EXOSC7: variants seen among roughly 807,000 people sequenced by gnomAD.
The protein encoded by EXOSC7 is exosome complex component RRP42.
EXOSC7 carries 25 observed loss-of-function variants against 34.3 expected under a neutral mutation model. That is an observed-to-expected ratio of 0.73 (90% CI 0.53 to 1.02). The LOEUF is 1.02. Ranked by LOEUF, EXOSC7 falls within the 50% of genes least tolerant of loss-of-function variation. EXOSC7 has a pLI of 0.00. For synonymous variants in EXOSC7, 130 were observed against 143.0 expected (o/e 0.91, Z 0.65); for missense variants, 370 against 368.5 (o/e 1.00, Z -0.03).
In EXOSC7 at chr3:44,983,848, A is replaced by G. The variant is rs116296816; in HGVS notation, c.58-5292A>G. Among the ~76,000 whole-genome samples, 672 of 141,582 alleles carry G rather than the reference A, an allele frequency of 4.7e-3. 3 individuals carry two copies. The highest frequency in any genetic ancestry group is 0.017 in the African/African-American group (645 of 38,232). The allele number at this position is 141,582 out of a possible 152,430, so 92.9% of individuals were successfully genotyped here. On this transcript the variant is annotated intron_variant, in intron 1 of 7. Transcript: ENST00000265564. ...GTTTGGACAATTTCCTAAGCCTTTT[A>G]TAAGGAAAACTGGGTTTAAAAAAAA...
At position 44,989,605 on chromosome 3, in the gene EXOSC7, A is replaced by G. The variant is rs1247639010; in HGVS notation, c.215A>G (p.Glu72Gly). The G allele has an allele frequency of 6.2e-7, 1 of 1,614,030 alleles. No individual in the cohort carries two copies. The highest frequency in any genetic ancestry group is 8.5e-7 in the Non-Finnish European group (1 of 1,179,984). The change falls in exon 3 of 8, where the codon GAG (glutamate) becomes GGG (glycine). Residue 72 changes from glutamate (E) to glycine (G), a missense_variant. Transcript: ENST00000265564. ...GCAGAAATGGGGACGCCGAAGCTGG[A>G]GAAACCAAATGAAGGCTACTTGGAG... ...VKAEMGTPKLEKPNEGYLEFF... is the reference protein window; with the variant it reads ...VKAEMGTPKLGKPNEGYLEFF...
intron 1 of EXOSC7, among the ~76,000 whole-genome samples, chr3:44,987,546 C>T (rs530279756): frequency 3.3e-5 from 5 of 152,078 alleles, no homozygotes; most frequent in South Asian, 2.1e-4. Context: ...CCAGCCTGGG[C>T]GACAGAGCCA....
At chr3:44,999,037 T>C (rs1706803269) in intron 4 of EXOSC7, among the ~76,000 whole-genome samples, 1 of 152,264 alleles carries the variant, frequency 6.6e-6, no homozygotes, top group Non-Finnish European at 1.5e-5. Flanking sequence ...TGTCCTTTTG[T>C]AATCCTTTGT....
chr3:44,980,482 C>A (rs150093480), intron 1 of EXOSC7, among the ~76,000 whole-genome samples: 1 of 150,890 alleles, frequency 6.6e-6, no homozygotes, highest in African/African-American at 2.4e-5. Flanking sequence ...CAGGTTGAGT[C>A]GCTTGTCAAG....
chr3:45,006,581 T>C (rs1707052110), intron 6 of EXOSC7, among the ~76,000 whole-genome samples: 1 of 148,892 alleles, frequency 6.7e-6, no homozygotes, highest in African/African-American at 2.5e-5. Flanking sequence ...CGCGCCTGGC[T>C]AATTTTTTGT....
chr3:45,000,095 T>G (rs1173588226), intron 4 of EXOSC7, among the ~76,000 whole-genome samples: 3 of 152,254 alleles, frequency 2.0e-5, no homozygotes, highest in African/African-American at 7.2e-5. Context: ...AGTGAAAATT[T>G]AACTTCATGG....
In EXOSC7 at chr3:44,989,530, C is replaced by T. The variant is rs1195156483; in HGVS notation, c.160-20C>T. On this transcript the variant is annotated intron_variant, in intron 2 of 7. Transcript: ENST00000265564. ...TGGCTGCATACTCTGAGTGAGGACT[C>T]TTCTTGCATGTGTCTGCAGGGTCAC... 1.3e-6 allele frequency: 2 copies of T among 1,598,176 alleles called. No homozygotes were observed. The highest frequency in any genetic ancestry group is 1.7e-6 in the Non-Finnish European group (2 of 1,165,746).
chr3:44,982,970 CCTT>C (rs1364259198), intron 1 of EXOSC7, among the ~76,000 whole-genome samples: 2 of 152,150 alleles, frequency 1.3e-5, no homozygotes, highest in Non-Finnish European at 2.9e-5. Context: ...GGGGCAGTCA[CCTT>C]CTAGTAGGGG....
intron 6 of EXOSC7, among the ~76,000 whole-genome samples, chr3:45,005,693 G>A (rs180902152): frequency 6.6e-6 from 1 of 152,308 alleles, no homozygotes; most frequent in Admixed American, 6.5e-5. Flanking sequence ...CACATACCAT[G>A]TGCTTCACTA....
Position 45,010,447 on chromosome 3 carries a change from CTG to C in EXOSC7, c.772-786_772-785del, listed in dbSNP as rs1223310620. The stretch of plus-strand genomic sequence containing the variant: ...TTTTTTGTAGAGATGGGGTTTCACT[CTG>C]TTGCCCAGTCTGGTCTTGATCTCCT... On this transcript the variant is annotated intron_variant, in intron 7 of 7. Coordinates refer to ENST00000265564, the MANE Select transcript of EXOSC7 (RefSeq NM_015004.4). Among the ~76,000 whole-genome samples, 6 of 152,244 alleles carry C rather than the reference CTG, an allele frequency of 3.9e-5. No homozygotes were observed. The East Asian group carries it at 1.2e-3, about 29-fold the overall frequency.
intron 6 of EXOSC7, among the ~76,000 whole-genome samples, chr3:45,006,026 T>G (rs946373992): frequency 2.7e-5 from 4 of 148,296 alleles, no homozygotes; most frequent in Non-Finnish European, 5.9e-5. Flanking sequence ...CAGGATGTGG[T>G]GAAGTGTTCA....
At chr3:44,994,633 CTT>C (rs1240044388) in intron 3 of EXOSC7, among the ~76,000 whole-genome samples, 2 of 152,114 alleles carry the variant, frequency 1.3e-5, no homozygotes, top group Non-Finnish European at 2.9e-5. Context: ...CTATTCCAGC[CTT>C]TGTCTTCACA....
chr3:44,987,769 A>G (rs1416929711), intron 1 of EXOSC7, among the ~76,000 whole-genome samples: 2 of 152,254 alleles, frequency 1.3e-5, no homozygotes, highest in East Asian at 3.8e-4. Flanking sequence ...AAGTTCAGAA[A>G]CTGTGTATAC....
intron 5 of EXOSC7, 77 bp downstream of exon 5, chr3:45,001,685 T>C: frequency 9.6e-7 from 1 of 1,037,698 alleles, no homozygotes; most frequent in Non-Finnish European, 1.5e-6. Flanking sequence ...CTGAGGAAAT[T>C]TCTATTGTAG....
At chr3:45,006,432 CAG>C (rs1707046263) in intron 6 of EXOSC7, among the ~76,000 whole-genome samples, 1 of 98,734 alleles carries the variant, frequency 1.0e-5, no homozygotes, top group African/African-American at 3.9e-5. Flanking sequence ...TTTTTTGAGA[CAG>C]AGTCTCGCTC....
intron 5 of EXOSC7, among the ~76,000 whole-genome samples, chr3:45,002,819 C>T (rs1350367107): frequency 6.6e-6 from 1 of 152,120 alleles, no homozygotes; most frequent in Non-Finnish European, 1.5e-5. Context: ...CCACTAGGCT[C>T]CTTGTTGAGA....
intron 1 of EXOSC7, among the ~76,000 whole-genome samples, chr3:44,982,648 C>T (rs1706301951): frequency 6.6e-6 from 1 of 152,162 alleles, no homozygotes; most frequent in South Asian, 2.1e-4. Flanking sequence ...AGGGCCTCAG[C>T]CTGGTTTTCA....
chr3:45,000,613 G>C (rs1164822455), intron 4 of EXOSC7, among the ~76,000 whole-genome samples: 1 of 152,220 alleles, frequency 6.6e-6, no homozygotes, highest in Non-Finnish European at 1.5e-5. Context: ...TTGTCTGAGA[G>C]ACTTTAGTCT....
At position 45,001,624 on chromosome 3, in the gene EXOSC7, A is replaced by C; in HGVS notation, c.491+16A>C. ...TCAATACAAGGTAAGTCTTCCTAGAAACAGCTCTGCGAACCTGTGGAGAAC... is the reference window on the plus strand; with the variant it reads ...TCAATACAAGGTAAGTCTTCCTAGACACAGCTCTGCGAACCTGTGGAGAAC... On this transcript the variant is annotated intron_variant, in intron 5 of 7. Transcript: ENST00000265564. The C allele has an allele frequency of 6.3e-7, 1 of 1,591,294 alleles. No homozygotes were observed. The highest frequency in any genetic ancestry group is 8.6e-7 in the Non-Finnish European group (1 of 1,159,262).
Sources: allele counts gnomAD v4.1 joint callset (sites outside exome capture counted in the v4.1 genomes callset), GRCh38; gene constraint gnomAD v4.1.1; transcripts MANE v1.5; gene names NCBI Gene and HGNC (gene_info 2026-07-23, HGNC 2026-07-21).